The following VRK2 variants were observed in gnomAD, a reference collection of about 807,000 sequenced individuals.
VRK2 encodes serine/threonine-protein kinase VRK2.
In VRK2, 60 loss-of-function variants were observed where a neutral mutation model predicts 57.6. That is an observed-to-expected ratio of 1.04 (90% CI 0.85 to 1.29). The LOEUF is 1.29. VRK2 is among the 50% of genes most tolerant of loss of function. The pLI, the probability that VRK2 is intolerant of heterozygous loss-of-function variation, is 0.00. For missense variants in VRK2, 705 were observed against 588.1 expected (o/e 1.20, Z -2.06); for synonymous variants, 231 against 199.2 (o/e 1.16, Z -1.35).
intron 7 of VRK2, among the ~76,000 whole-genome samples, chr2:58,114,597 G>A (rs1411289581): frequency 1.3e-5 from 2 of 152,156 alleles, no homozygotes; most frequent in African/African-American, 2.4e-5. Context: ...TCCTTTTTAA[G>A]TTGGTGGCTG....
At chr2:58,088,552 C>T (rs1056245712) in intron 6 of VRK2, 106 bp downstream of exon 6, 2 of 889,982 alleles carry the variant, frequency 2.2e-6, no homozygotes, top group East Asian at 2.4e-5. Context: ...GATTATTGCC[C>T]TAGAGACATC....
chr2:58,138,540 G>T lies in VRK2; in HGVS notation c.857-1126G>T, dbSNP rs528118420. On this transcript the variant is annotated intron_variant, in intron 10 of 12. Coordinates refer to ENST00000340157, the MANE Select transcript of VRK2 (RefSeq NM_006296.7). The stretch of plus-strand genomic sequence containing the variant: ...TGGTCACTCTTAACTTTAATAGGGG[G>T]AAAGCGATGATGACTATTCCTTTTG... Among the ~76,000 whole-genome samples the T allele has an allele frequency of 3.1e-4, 47 of 152,258 alleles. 1 individual carries two copies. In the South Asian group the frequency reaches 6.4e-3, roughly 21 times the overall value.
chr2:58,153,233 C>G (rs1027814972), intron 12 of VRK2, among the ~76,000 whole-genome samples: 2 of 151,974 alleles, frequency 1.3e-5, no homozygotes, highest in African/African-American at 4.8e-5. Flanking sequence ...TGTACATGAG[C>G]AGTTCATTCC....
At chr2:58,081,082 A>C (rs1428105689) in intron 2 of VRK2, among the ~76,000 whole-genome samples, 1 of 151,898 alleles carries the variant, frequency 6.6e-6, no homozygotes, top group Admixed American at 6.6e-5. Context: ...CTTAATAAAC[A>C]TTTTTTTCAT....
chr2:58,016,667 T>C (rs556852881), intron 1 of VRK2, among the ~76,000 whole-genome samples: 1 of 152,296 alleles, frequency 6.6e-6, no homozygotes, highest in East Asian at 1.9e-4. Flanking sequence ...CATGTTTTAG[T>C]TTTAGAACAG....
chr2:58,030,468 G>A (rs990202816), intron 2 of VRK2, among the ~76,000 whole-genome samples: 1 of 151,922 alleles, frequency 6.6e-6, no homozygotes, highest in African/African-American at 2.4e-5. Context: ...TGTCTTTAAT[G>A]CACTCTACCT....
At chr2:58,015,724 T>G (rs1673560116) in intron 1 of VRK2, among the ~76,000 whole-genome samples, 1 of 152,220 alleles carries the variant, frequency 6.6e-6, no homozygotes, top group Admixed American at 6.5e-5. Flanking sequence ...CAAGAATTTT[T>G]TTTTGGCTAA....
intron 2 of VRK2, among the ~76,000 whole-genome samples, chr2:58,079,663 C>T (rs999106786): frequency 6.6e-6 from 1 of 151,950 alleles, no homozygotes; most frequent in Admixed American, 6.6e-5. Flanking sequence ...TGATTACTTT[C>T]AATGGCAAAA....
At chr2:58,141,028 C>CA (rs1681249439) in intron 11 of VRK2, among the ~76,000 whole-genome samples, 1 of 151,986 alleles carries the variant, frequency 6.6e-6, no homozygotes, top group Non-Finnish European at 1.5e-5. Context: ...AACCAATTGT[C>CA]AGCACTATTT....
intron 1 of VRK2, among the ~76,000 whole-genome samples, chr2:57,973,199 T>A (rs1461436540): frequency 6.6e-6 from 1 of 151,918 alleles, no homozygotes; most frequent in Admixed American, 6.6e-5. Flanking sequence ...CTTTTGGATT[T>A]TTGCCAACCT....
chr2:58,105,750 A>C (rs1674658338), intron 7 of VRK2, among the ~76,000 whole-genome samples: 1 of 151,862 alleles, frequency 6.6e-6, no homozygotes, highest in Admixed American at 6.6e-5. Flanking sequence ...GCTCTTAAAA[A>C]TCATGGAACT....
chr2:58,024,977 T>C (rs1038323407), intron 1 of VRK2, among the ~76,000 whole-genome samples: 5 of 152,204 alleles, frequency 3.3e-5, no homozygotes, highest in African/African-American at 1.2e-4. Flanking sequence ...GGTTAATTTG[T>C]AGAATAAAGA....
intron 7 of VRK2, among the ~76,000 whole-genome samples, chr2:58,116,115 C>A (rs11096694): frequency 6.6e-6 from 1 of 152,016 alleles, no homozygotes. Flanking sequence ...CTGTAGCAGG[C>A]GAGTGATAAC....
At chr2:58,153,586 C>T (rs577938701) in intron 12 of VRK2, among the ~76,000 whole-genome samples, 124 of 151,990 alleles carry the variant, frequency 8.2e-4, no homozygotes, top group Non-Finnish European at 1.2e-3. Context: ...TTATATTATT[C>T]TTTTTATATG....
chr2:57,969,060 G>C (rs879615836), intron 1 of VRK2, among the ~76,000 whole-genome samples: 32 of 151,976 alleles, frequency 2.1e-4, no homozygotes, highest in Admixed American at 4.6e-4. Context: ...ACTTATTAAT[G>C]TATTATAAAA....
intron 1 of VRK2, among the ~76,000 whole-genome samples, chr2:57,947,602 C>T (rs78779356): frequency 0.016 from 2,496 of 152,268 alleles, 90 homozygotes; most frequent in African/African-American, 0.058. Flanking sequence ...TTTTCAATTT[C>T]TTCCTACATA....
At chr2:57,969,513 T>C (rs562640753) in intron 1 of VRK2, among the ~76,000 whole-genome samples, 23 of 152,144 alleles carry the variant, frequency 1.5e-4, no homozygotes, top group Middle Eastern at 6.8e-3. Flanking sequence ...TCTAAGTTTT[T>C]GGAGTAAAAC....
intron 1 of VRK2, among the ~76,000 whole-genome samples, chr2:57,908,849 G>T (rs1236904972): frequency 1.3e-5 from 2 of 152,110 alleles, no homozygotes; most frequent in African/African-American, 4.8e-5. Context: ...AAGGGTTGCT[G>T]GGTTTGCAAA....
chr2:58,042,071 C>T (rs4459722), upstream of VRK2, among the ~76,000 whole-genome samples: 9,201 of 152,126 alleles, frequency 0.06, 946 homozygotes, highest in African/African-American at 0.21. Context: ...GGCTGTATCC[C>T]GGGCATGTCC....
Sources: gnomAD v4.1 joint callset for allele counts (sites outside exome capture counted in the v4.1 genomes callset) on GRCh38, gnomAD v4.1.1 for gene constraint, MANE v1.5 for transcripts, NCBI Gene and HGNC (gene_info 2026-07-23, HGNC 2026-07-21) for gene names.